Variants in DENND1B observed in about 807,000 individuals in gnomAD.
DENND1B encodes DENN domain-containing protein 1B.
Under a neutral mutation model 90.1 loss-of-function variants are expected in DENND1B, and 59 were observed. That is an observed-to-expected ratio of 0.65 (90% CI 0.53 to 0.81). DENND1B has a LOEUF of 0.81. Ranked by LOEUF, DENND1B falls within the 40% of genes least tolerant of loss-of-function variation. The probability of loss-of-function intolerance (pLI) is 0.00; values close to 1 mark genes in which losing one functional copy is unlikely to be tolerated. For synonymous variants in DENND1B, 337 were observed against 324.6 expected (o/e 1.04, Z -0.41); for missense variants, 862 against 912.6 (o/e 0.94, Z 0.71).
intron 16 of DENND1B, among the ~76,000 whole-genome samples, chr1:197,550,570 C>G (rs933224630): frequency 5.3e-5 from 8 of 151,136 alleles, no homozygotes; most frequent in Non-Finnish European, 8.8e-5. Flanking sequence ...GGACAAAAAA[C>G]CAAACACCAC....
At chr1:197,631,599 T>C (rs1353566879) in intron 10 of DENND1B, among the ~76,000 whole-genome samples, 1 of 151,834 alleles carries the variant, frequency 6.6e-6, no homozygotes, top group Non-Finnish European at 1.5e-5. Context: ...AAAATAAAAC[T>C]GATCGCAAAC....
chr1:197,633,244 T>C (rs1679491979), intron 10 of DENND1B, among the ~76,000 whole-genome samples: 1 of 152,190 alleles, frequency 6.6e-6, no homozygotes, highest in Non-Finnish European at 1.5e-5. Flanking sequence ...GAAATATAGA[T>C]TTGTTTTATT....
intron 14 of DENND1B, among the ~76,000 whole-genome samples, chr1:197,589,415 A>G (rs1674989178): frequency 6.6e-6 from 1 of 152,196 alleles, no homozygotes; most frequent in East Asian, 1.9e-4. Flanking sequence ...GGTGGTAACC[A>G]TCTCTCAAGT....
At chr1:197,754,588 G>C (rs1654008248) in intron 2 of DENND1B, among the ~76,000 whole-genome samples, 1 of 143,144 alleles carries the variant, frequency 7.0e-6, no homozygotes, top group South Asian at 2.2e-4. Flanking sequence ...AACCCAGGAG[G>C]CAAAGGCTGC....
chr1:197,741,775 GA>G, intron 2 of DENND1B, among the ~76,000 whole-genome samples: 1 of 151,456 alleles, frequency 6.6e-6, no homozygotes, highest in Non-Finnish European at 1.5e-5. Context: ...CACTCAAAAA[GA>G]AAAAAAAGAA....
intron 10 of DENND1B, among the ~76,000 whole-genome samples, chr1:197,626,022 C>G (rs1678672550): frequency 6.6e-6 from 1 of 152,102 alleles, no homozygotes; most frequent in African/African-American, 2.4e-5. Flanking sequence ...ATTCATAAAA[C>G]AAGTCCTAAG....
intron 2 of DENND1B, among the ~76,000 whole-genome samples, chr1:197,747,973 C>T (rs1223870992): frequency 6.6e-6 from 1 of 152,154 alleles, no homozygotes; most frequent in Non-Finnish European, 1.5e-5. Context: ...AAGAGGCTAA[C>T]CAGTTAGCAC....
chr1:197,544,779 A>G (rs1670600520), intron 18 of DENND1B, among the ~76,000 whole-genome samples: 1 of 144,556 alleles, frequency 6.9e-6, no homozygotes. Context: ...GACGAGGAGG[A>G]GGAAGAAGAA....
At position 197,700,902 on chromosome 1, in the gene DENND1B, C is replaced by T. The variant is rs534169549; in HGVS notation, c.126+14129G>A. Reference sequence around the variant, plus strand: ...CAATGGGATACCATCTCACGACAGTCAGCATGGTAATTATTAAAAAGTCAG... The same window carrying T: ...CAATGGGATACCATCTCACGACAGTTAGCATGGTAATTATTAAAAAGTCAG... On this transcript the variant is annotated intron_variant, in intron 3 of 22. Coordinates refer to ENST00000620048, the MANE Select transcript of DENND1B (RefSeq NM_001195215.2). 2.6e-5 allele frequency among the ~76,000 whole-genome samples: 4 copies of T among 152,206 alleles called. No individual in the cohort carries two copies. The South Asian group carries it at 8.3e-4, about 32-fold the overall frequency.
intron 13 of DENND1B, among the ~76,000 whole-genome samples, chr1:197,600,743 G>A (rs1458214391): frequency 1.3e-5 from 2 of 151,588 alleles, no homozygotes; most frequent in Non-Finnish European, 2.9e-5. Flanking sequence ...GGATATATGA[G>A]AGATATGAAA....
At chr1:197,558,981 A>C (rs1671939262) in intron 15 of DENND1B, among the ~76,000 whole-genome samples, 1 of 151,962 alleles carries the variant, frequency 6.6e-6, no homozygotes, top group Non-Finnish European at 1.5e-5. Context: ...CTTTCCAAAA[A>C]ATATAAAGAA....
intron 20 of DENND1B, among the ~76,000 whole-genome samples, chr1:197,516,929 G>C (rs575798897): frequency 4.1e-4 from 63 of 151,876 alleles, no homozygotes; most frequent in South Asian, 2.9e-3. Flanking sequence ...TCAACATCCA[G>C]CTCAAATGTA....
chr1:197,693,717 A>G (rs1041678269), intron 3 of DENND1B, among the ~76,000 whole-genome samples: 6 of 151,502 alleles, frequency 4.0e-5, no homozygotes, highest in Non-Finnish European at 5.9e-5. Context: ...TCTTTTCATC[A>G]GTTTCTCCTA....
At chr1:197,660,638 A>G (rs1654319614) in intron 5 of DENND1B, among the ~76,000 whole-genome samples, 1 of 152,122 alleles carries the variant, frequency 6.6e-6, no homozygotes, top group Admixed American at 6.6e-5. Context: ...CCAAAGAGAC[A>G]AAACAAGTAA....
intron 2 of DENND1B, among the ~76,000 whole-genome samples, chr1:197,768,176 C>T (rs546977213): frequency 6.6e-6 from 1 of 151,976 alleles, no homozygotes; most frequent in Non-Finnish European, 1.5e-5. Flanking sequence ...CTTCGTCGTC[C>T]TCCTCCTCGT....
intron 3 of DENND1B, among the ~76,000 whole-genome samples, chr1:197,682,967 T>C (rs1274778255): frequency 6.6e-6 from 1 of 152,184 alleles, no homozygotes; most frequent in Non-Finnish European, 1.5e-5. Context: ...ATCAGTAGCA[T>C]TCTCTTTTAC....
intron 20 of DENND1B, among the ~76,000 whole-genome samples, chr1:197,517,500 T>C (rs878894082): frequency 1.1e-4 from 17 of 151,848 alleles, no homozygotes; most frequent in Admixed American, 3.3e-4. Context: ...TTCTCTTACA[T>C]TTATCCTCTT....
intron 16 of DENND1B, among the ~76,000 whole-genome samples, chr1:197,550,251 G>A (rs1207492642): frequency 6.6e-6 from 1 of 152,062 alleles, no homozygotes; most frequent in Non-Finnish European, 1.5e-5. Context: ...AAAGGGTTAA[G>A]TATTACTCTT....
At chr1:197,553,213 A>G (rs1039801367) in intron 15 of DENND1B, 101 bp from the exon 16 acceptor site, 1 of 861,462 alleles carries the variant, frequency 1.2e-6, no homozygotes, top group African/African-American at 1.8e-5. Flanking sequence ...TTACATCAAA[A>G]ACATTAATAA....
Sources: gnomAD v4.1 joint callset for allele counts (sites outside exome capture counted in the v4.1 genomes callset) on GRCh38, gnomAD v4.1.1 for gene constraint, MANE v1.5 for transcripts, NCBI Gene and HGNC (gene_info 2026-07-23, HGNC 2026-07-21) for gene names.